Variants in HESX1 observed in about 807,000 individuals in gnomAD.
The protein encoded by HESX1 is homeobox expressed in ES cells 1.
In HESX1, 11 loss-of-function variants were observed where a neutral mutation model predicts 22.5. The observed-to-expected ratio is 0.49, with a 90% CI of 0.31 to 0.81. HESX1 has a LOEUF of 0.81. Ranked by LOEUF, HESX1 falls within the 30% of genes least tolerant of loss-of-function variation. The pLI is 0.05. For synonymous variants in HESX1, 74 were observed against 76.5 expected (o/e 0.97, Z 0.17); for missense variants, 201 against 212.6 (o/e 0.95, Z 0.34).
chr3:57,219,567 C>T (rs1378456018), intron 1 of HESX1, among the ~76,000 whole-genome samples: 1 of 152,074 alleles, frequency 6.6e-6, no homozygotes, highest in Non-Finnish European at 1.5e-5. Flanking sequence ...CGGGGTTTCA[C>T]CGTGTCAGCC....
chr3:57,218,889 T>C (rs2060599415), intron 1 of HESX1, among the ~76,000 whole-genome samples: 1 of 152,220 alleles, frequency 6.6e-6, no homozygotes, highest in African/African-American at 2.4e-5. Context: ...CACATGCATG[T>C]ACCTTTATGG....
chr3:57,210,860 G>A (rs934198501), intron 1 of HESX1, among the ~76,000 whole-genome samples: 2 of 152,202 alleles, frequency 1.3e-5, no homozygotes, highest in Admixed American at 1.3e-4. Context: ...ATCTACAGAA[G>A]AGAAGACACT....
At chr3:57,222,193 C>T (rs762849108) in intron 1 of HESX1, among the ~76,000 whole-genome samples, 1 of 152,194 alleles carries the variant, frequency 6.6e-6, no homozygotes, top group African/African-American at 2.4e-5. Context: ...CTGTTTTTCA[C>T]TGCCCTCTAT....
In HESX1 at chr3:57,199,920, C is replaced by G. The variant is rs1446953787; in HGVS notation, c.-2G>C. ...GCCTTCCTGAAGGCTGGGAGACATCCTCTCGTGGTCTGCACAGAGCAACAG... is the reference window on the plus strand; with the variant it reads ...GCCTTCCTGAAGGCTGGGAGACATCGTCTCGTGGTCTGCACAGAGCAACAG... On this transcript the variant is annotated 5_prime_UTR_variant, in exon 1 of 4. Coordinates refer to ENST00000295934, the MANE Select transcript of HESX1 (RefSeq NM_003865.3). The G allele has an allele frequency of 2.5e-6, 4 of 1,613,548 alleles. No homozygotes were observed. Among genetic ancestry groups the G allele is most frequent in the African/African-American group, 1.3e-5 (1 of 74,910 alleles).
intron 1 of HESX1, among the ~76,000 whole-genome samples, chr3:57,221,645 C>G (rs1195309729): frequency 2.0e-5 from 3 of 152,246 alleles, no homozygotes; most frequent in Middle Eastern, 3.4e-3. Context: ...CGTGCTCTGT[C>G]ACCCAGGCTG....
chr3:57,225,446 C>T (rs185194875), intron 1 of HESX1, among the ~76,000 whole-genome samples: 70 of 152,154 alleles, frequency 4.6e-4, no homozygotes, highest in Middle Eastern at 3.4e-3. Flanking sequence ...CGGGTTCAAG[C>T]GATTCTCCTG....
chr3:57,224,070 G>A (rs2060629347), intron 1 of HESX1, among the ~76,000 whole-genome samples: 1 of 152,114 alleles, frequency 6.6e-6, no homozygotes, highest in Non-Finnish European at 1.5e-5. Context: ...TCGGCTCACT[G>A]CAACCTCCGC....
chr3:57,205,494 C>A (rs753525275), intron 1 of HESX1, among the ~76,000 whole-genome samples: 5 of 152,288 alleles, frequency 3.3e-5, no homozygotes, highest in Middle Eastern at 3.4e-3. Context: ...TGCCAGCCTT[C>A]CTTATTTACT....
chr3:57,198,787 C>T lies in HESX1; in HGVS notation c.323G>A (p.Gly108Asp), dbSNP rs906648766. The part of the protein sequence containing the change: ...SLKRELSWYR[G>D]RRPRTAFTQN... ...AGTAAAAGCAGTTCTTGGTCTTCGG[C>T]CTCTATACCAACTCAACTCTCTTTT... is the stretch of plus-strand genomic sequence containing the variant. Residue 108 changes from glycine (G) to aspartate (D), a missense_variant, in exon 2 of 4, where the codon GGC (glycine) becomes GAC (aspartate). By Grantham distance (94) the Gly-to-Asp change is moderately conservative (BLOSUM62 -1). Coordinates refer to ENST00000295934, the MANE Select transcript of HESX1 (RefSeq NM_003865.3). 1.2e-6 allele frequency: 2 copies of T among 1,614,088 alleles called. No individual in the cohort carries two copies. The highest frequency in any genetic ancestry group is 1.7e-6 in the Non-Finnish European group (2 of 1,180,008).
intron 1 of HESX1, among the ~76,000 whole-genome samples, chr3:57,225,624 A>G (rs2060637422): frequency 6.6e-6 from 1 of 152,078 alleles, no homozygotes; most frequent in Admixed American, 6.5e-5. Flanking sequence ...TACAGGCGTG[A>G]GCCCCACCGC....
chr3:57,211,932 T>G (rs1222302952), intron 1 of HESX1, among the ~76,000 whole-genome samples: 1 of 152,170 alleles, frequency 6.6e-6, no homozygotes, highest in Non-Finnish European at 1.5e-5. Context: ...TTGTCTGCCA[T>G]TGTTACTAGA....
chr3:57,206,168 G>T (rs1302205170), intron 1 of HESX1, among the ~76,000 whole-genome samples: 1 of 152,164 alleles, frequency 6.6e-6, no homozygotes, highest in Non-Finnish European at 1.5e-5. Flanking sequence ...TCCAGCCTGG[G>T]TGACAGAGCG....
intron 1 of HESX1, among the ~76,000 whole-genome samples, chr3:57,212,561 A>T (rs1001495767): frequency 1.3e-5 from 2 of 151,448 alleles, no homozygotes; most frequent in African/African-American, 4.8e-5. Context: ...CTGTCTCAAA[A>T]AAAAAAAAAA....
At chr3:57,209,129 A>G (rs984500667) in intron 1 of HESX1, among the ~76,000 whole-genome samples, 1 of 152,188 alleles carries the variant, frequency 6.6e-6, no homozygotes, top group African/African-American at 2.4e-5. Context: ...GAGCTATCCA[A>G]TATGGTAGCC....
chr3:57,205,383 C>T (rs1236951426), intron 1 of HESX1, among the ~76,000 whole-genome samples: 1 of 152,160 alleles, frequency 6.6e-6, no homozygotes, highest in African/African-American at 2.4e-5. Context: ...CAGCCTAGGA[C>T]ACAGAGCAAG....
chr3:57,197,984 T>C lies in HESX1; in HGVS notation c.*213A>G, dbSNP rs912537607. On this transcript the variant is annotated 3_prime_UTR_variant, in exon 4 of 4. Coordinates refer to ENST00000295934, the MANE Select transcript of HESX1 (RefSeq NM_003865.3). Reference sequence around the variant, plus strand: ...AAAAAATAGCAATCTTTTCTGAAAATGTTTATTAAAATATATATAAAAGGT... The same window carrying C: ...AAAAAATAGCAATCTTTTCTGAAAACGTTTATTAAAATATATATAAAAGGT... 6 of 386,394 alleles carry C rather than the reference T, an allele frequency of 1.6e-5. No individual in the cohort carries two copies. Among genetic ancestry groups the C allele is most frequent in the African/African-American group, 1.2e-4 (6 of 48,240 alleles). 23.9% of individuals were successfully genotyped at this position (386,394 alleles called of 1,614,324 possible). A position where few individuals can be genotyped will look rare whatever the true frequency, so the allele number is the denominator to read the frequency against.
chr3:57,209,297 C>A (rs956521234), intron 1 of HESX1, among the ~76,000 whole-genome samples: 1 of 152,150 alleles, frequency 6.6e-6, no homozygotes, highest in African/African-American at 2.4e-5. Context: ...ATTTCCATAA[C>A]TGCAAGAAGT....
upstream of HESX1, among the ~76,000 whole-genome samples, chr3:57,227,523 C>T (rs918378587): frequency 3.9e-5 from 6 of 152,232 alleles, no homozygotes; most frequent in Non-Finnish European, 7.3e-5. Context: ...CGGTCCCCTG[C>T]GATTTAGATA....
At chr3:57,220,348 A>G (rs1383715046) in intron 1 of HESX1, among the ~76,000 whole-genome samples, 1 of 152,224 alleles carries the variant, frequency 6.6e-6, no homozygotes, top group Admixed American at 6.5e-5. Flanking sequence ...TAAATCACTA[A>G]TGTAGTCTTT....
Sources: gnomAD v4.1 joint callset for allele counts (sites outside exome capture counted in the v4.1 genomes callset) on GRCh38, gnomAD v4.1.1 for gene constraint, MANE v1.5 for transcripts, NCBI Gene and HGNC (gene_info 2026-07-23, HGNC 2026-07-21) for gene names.